Variants in PPP2R2D observed in about 807,000 individuals in gnomAD.
The protein encoded by PPP2R2D is protein phosphatase 2 regulatory subunit Bdelta, also known as serine/threonine-protein phosphatase 2A 55 kDa regulatory subunit B delta isoform.
PPP2R2D carries 9 observed loss-of-function variants against 31.1 expected under a neutral mutation model. The observed-to-expected ratio is 0.29, with a 90% CI of 0.17 to 0.51. The LOEUF is 0.51. Ranked by LOEUF, PPP2R2D falls within the 20% of genes least tolerant of loss-of-function variation. PPP2R2D has a pLI of 0.98. For synonymous variants in PPP2R2D, 179 were observed against 172.6 expected, an observed-to-expected ratio of 1.04 and a Z score of -0.29; for missense variants, 391 against 465.6, an observed-to-expected ratio of 0.84 and a Z score of 1.48.
chr10:131,950,937 A>G (rs1554898711), intron 8 of PPP2R2D, among the ~76,000 whole-genome samples: 1 of 152,254 alleles, frequency 6.6e-6, no homozygotes, highest in Admixed American at 6.5e-5. Flanking sequence ...AAACTTCTTT[A>G]TATTGAAATT....
At chr10:131,920,805 T>G (rs537368813) in intron 2 of PPP2R2D, among the ~76,000 whole-genome samples, 1 of 152,318 alleles carries the variant, frequency 6.6e-6, no homozygotes, top group South Asian at 2.1e-4. Flanking sequence ...GGTGCATACC[T>G]GTAATCTCAG....
At chr10:131,950,713 G>C (rs559314054) in intron 8 of PPP2R2D, among the ~76,000 whole-genome samples, 1 of 152,328 alleles carries the variant, frequency 6.6e-6, no homozygotes, top group Admixed American at 6.5e-5. Flanking sequence ...GGGAAGAGCA[G>C]TGCAAACTCT....
chr10:131,946,901 A>G (rs1250458631), intron 7 of PPP2R2D, among the ~76,000 whole-genome samples: 3 of 151,892 alleles, frequency 2.0e-5, no homozygotes. Flanking sequence ...GTGTATATTC[A>G]GTATTGGAGA....
intron 2 of PPP2R2D, among the ~76,000 whole-genome samples, chr10:131,909,904 CAAA>C (rs1158499774): frequency 3.3e-5 from 5 of 152,270 alleles, no homozygotes; most frequent in South Asian, 4.1e-4. Flanking sequence ...TTTTCAAAAA[CAAA>C]AAGATTAAGC....
At chr10:131,950,692 C>T (rs1554898682) in intron 8 of PPP2R2D, among the ~76,000 whole-genome samples, 10 of 152,184 alleles carry the variant, frequency 6.6e-5, no homozygotes. Context: ...GGCAGAGGAA[C>T]GCAGCCTGCA....
At chr10:131,918,627 A>G (rs7094691) in intron 2 of PPP2R2D, among the ~76,000 whole-genome samples, 36,792 of 123,774 alleles carry the variant, frequency 0.3, 5,213 homozygotes, top group East Asian at 0.42. Context: ...GACCTCAGGC[A>G]GGTGGAATGA....
intron 2 of PPP2R2D, among the ~76,000 whole-genome samples, chr10:131,908,241 T>G (rs1412199035): frequency 6.6e-6 from 1 of 152,216 alleles, no homozygotes; most frequent in East Asian, 1.9e-4. Flanking sequence ...ACGTTATTAT[T>G]CAGTGATTAT....
chr10:131,915,064 T>C (rs2035753499), intron 2 of PPP2R2D, among the ~76,000 whole-genome samples: 1 of 151,946 alleles, frequency 6.6e-6, no homozygotes, highest in Admixed American at 6.6e-5. Flanking sequence ...GGCTGCCATT[T>C]TGTCATGTTT....
chr10:131,938,631 A>G (rs2036386674), intron 3 of PPP2R2D, among the ~76,000 whole-genome samples: 1 of 152,150 alleles, frequency 6.6e-6, no homozygotes, highest in South Asian at 2.1e-4. Context: ...ATGTTTCTCC[A>G]CTTCTGTAAC....
At chr10:131,931,644 G>C (rs570978032) in intron 2 of PPP2R2D, among the ~76,000 whole-genome samples, 4 of 152,322 alleles carry the variant, frequency 2.6e-5, no homozygotes, top group African/African-American at 7.2e-5. Context: ...CACTGCGCCT[G>C]GCCCCACCCA....
intron 7 of PPP2R2D, among the ~76,000 whole-genome samples, chr10:131,946,240 G>A (rs2036538482): frequency 6.6e-6 from 1 of 152,220 alleles, no homozygotes; most frequent in African/African-American, 2.4e-5. Context: ...AGGTGAGGGA[G>A]GTTCTGGTTT....
intron 5 of PPP2R2D, among the ~76,000 whole-genome samples, chr10:131,942,214 C>T (rs1194253200): frequency 2.0e-5 from 3 of 152,228 alleles, no homozygotes; most frequent in Admixed American, 2.0e-4. Flanking sequence ...TCAGACCCTG[C>T]CACAACCCAT....
At chr10:131,961,211 C>T (rs545341566), downstream of PPP2R2D, among the ~76,000 whole-genome samples, 6 of 152,204 alleles carry the variant, frequency 3.9e-5, no homozygotes, top group African/African-American at 9.6e-5. Flanking sequence ...GCGGGCCCCG[C>T]GCTCTTCCCT....
chr10:131,933,939 G>C (rs895498231), intron 2 of PPP2R2D, among the ~76,000 whole-genome samples: 1 of 152,010 alleles, frequency 6.6e-6, no homozygotes, highest in African/African-American at 2.4e-5. Flanking sequence ...GGTGGTAACT[G>C]TATCCAGACA....
At chr10:131,970,376 T>A in the PPP2R2D span, 6 of 538,558 alleles carry the variant, frequency 1.1e-5, no homozygotes, top group Non-Finnish European at 2.0e-5. The surrounding 1 kb of genome is among the most constrained non-coding windows in gnomAD (Gnocchi z 4.1). Context: ...GAAGCCCTGC[T>A]TTGACTCCGT....
chr10:131,956,539 T>G lies in PPP2R2D; in HGVS notation c.*576T>G. ...TAAAAACAACACACTATAAAGTGTT[T>G]TTAAATCCAAACAGAAGTATTGTCT... On this transcript the variant is annotated 3_prime_UTR_variant, in exon 9 of 9. Transcript: ENST00000455566. 1.0e-6 allele frequency: 1 copy of G among 985,492 alleles called. No homozygotes were observed. Among genetic ancestry groups the G allele is most frequent in the Non-Finnish European group, 1.2e-6 (1 of 829,942 alleles). 61.0% of individuals were successfully genotyped at this position (985,492 alleles called of 1,614,324 possible).
downstream of PPP2R2D, among the ~76,000 whole-genome samples, chr10:131,963,088 C>G (rs2036943954): frequency 6.6e-6 from 1 of 152,112 alleles, no homozygotes; most frequent in Non-Finnish European, 1.5e-5. Flanking sequence ...TCACTTGAAC[C>G]CAGGAGGCGG....
At chr10:131,923,109 A>G (rs1432056177) in intron 2 of PPP2R2D, among the ~76,000 whole-genome samples, 2 of 152,170 alleles carry the variant, frequency 1.3e-5, no homozygotes, top group African/African-American at 4.8e-5. Flanking sequence ...GAACCTTTCC[A>G]TCACCCCTAA....
chr10:131,947,681 G>T lies in PPP2R2D; in HGVS notation c.972G>T (p.Arg324Ser). The T allele has an allele frequency of 6.2e-7, 1 of 1,614,208 alleles. No individual in the cohort carries two copies. The highest frequency in any genetic ancestry group is 8.5e-7 in the Non-Finnish European group (1 of 1,180,040). The change falls in exon 8 of 9, where the codon AGG (arginine) becomes AGT (serine). Residue 324 changes from arginine to serine, a missense_variant. Physicochemically the swap from Arg to Ser is moderately radical, Grantham distance 110 (BLOSUM62 -1). This residue lies in a region of PPP2R2D where 163 missense variants were observed against 179.5 expected (regional missense o/e 0.91). Coordinates refer to ENST00000455566, the MANE Select transcript of PPP2R2D (RefSeq NM_018461.5). This position sits in a 1 kb window ranked among gnomAD's most constrained non-coding sequence, Gnocchi z 4.3. The part of the protein sequence containing the change: ...VKVWDLNMES[R>S]PVETHQVHEY... ...TGTGGGACCTCAACATGGAGAGCAG[G>T]CCGGTGGAGACCCACCAGGTCCACG...
Sources: allele counts gnomAD v4.1 joint callset (sites outside exome capture counted in the v4.1 genomes callset), GRCh38; gene constraint gnomAD v4.1.1; regional missense constraint gnomAD v4.1.1; non-coding constraint Gnocchi (gnomAD v3.1); transcripts MANE v1.5; gene names NCBI Gene and HGNC (gene_info 2026-07-23, HGNC 2026-07-21).